DYNC2H1: variants seen among roughly 807,000 people sequenced by gnomAD.
DYNC2H1 encodes the protein cytoplasmic dynein 2 heavy chain 1.
A neutral mutation model predicts 570.0 loss-of-function variants in DYNC2H1; 410 were observed. That is an observed-to-expected ratio of 0.72 (90% CI 0.66 to 0.78). DYNC2H1 has a LOEUF of 0.78. Ranked by LOEUF, DYNC2H1 falls within the 30% of genes least tolerant of loss-of-function variation. The pLI is 0.00. For synonymous variants in DYNC2H1, 1,688 were observed against 1,677.6 expected, an observed-to-expected ratio of 1.01 and a Z score of -0.15; for missense variants, 4,865 against 5,046.4, an observed-to-expected ratio of 0.96 and a Z score of 1.09.
chr11:103,120,411 T>C, intron 6 of DYNC2H1, 36 bp from the exon 7 acceptor site: 1 of 1,534,126 alleles, frequency 6.5e-7, no homozygotes, highest in Middle Eastern at 1.8e-4. Flanking sequence ...ATGGTTGGAT[T>C]TAAATAAATT....
chr11:103,212,902 A>G (rs1863213225), intron 54 of DYNC2H1, among the ~76,000 whole-genome samples: 1 of 152,122 alleles, frequency 6.6e-6, no homozygotes, highest in African/African-American at 2.4e-5. Flanking sequence ...GGTCAATGGT[A>G]GTTGTATGTG....
At position 103,135,587 on chromosome 11, in the gene DYNC2H1, A is replaced by G; in HGVS notation, c.2298A>G (p.Glu766=). ...AGCATCAGTACCAGATGGGCTTAGA[A>G]GCACTTAATGAGAATTTGCCAGAAA... ...ALEHQYQMGL[E]ALNENLPEIN... Residue 766 remains glutamate, a synonymous_variant, in exon 16 of 89, where the codon GAA becomes GAG. Transcript: ENST00000375735. The G allele has an allele frequency of 1.2e-6, 2 of 1,613,414 alleles. No homozygotes were observed. The highest frequency in any genetic ancestry group is 1.7e-6 in the Non-Finnish European group (2 of 1,179,632).
intron 82 of DYNC2H1, among the ~76,000 whole-genome samples, chr11:103,355,862 T>C (rs539705417): frequency 1.3e-5 from 2 of 152,206 alleles, no homozygotes; most frequent in South Asian, 4.2e-4. Flanking sequence ...CACACCACCA[T>C]ACCTGACTAA....
At chr11:103,441,057 G>A (rs1944251465) in intron 85 of DYNC2H1, among the ~76,000 whole-genome samples, 1 of 152,108 alleles carries the variant, frequency 6.6e-6, no homozygotes, top group African/African-American at 2.4e-5. Flanking sequence ...GTCATCTTGA[G>A]TATCAAAATC....
chr11:103,110,307 C>T (rs1293871314), intron 1 of DYNC2H1, among the ~76,000 whole-genome samples: 1 of 151,984 alleles, frequency 6.6e-6, no homozygotes, highest in Admixed American at 6.6e-5. Context: ...CCACCGCGCC[C>T]GGCCTATATT....
chr11:103,381,869 G>C (rs1361053550), intron 83 of DYNC2H1, among the ~76,000 whole-genome samples: 1 of 152,122 alleles, frequency 6.6e-6, no homozygotes, highest in Non-Finnish European at 1.5e-5. Context: ...ACATTACTTT[G>C]TGTTAATGGT....
chr11:103,203,552 G>A lies in DYNC2H1; in HGVS notation c.8198-111G>A. Reference sequence around the variant, plus strand: ...TTGTGAGTCAAGTAGAGGTAATAAAGTTTGTATATTTTTGGAAATAAAGAT... The same window carrying A: ...TTGTGAGTCAAGTAGAGGTAATAAAATTTGTATATTTTTGGAAATAAAGAT... On this transcript the variant is annotated intron_variant, in intron 50 of 88. Transcript: ENST00000375735. The surrounding 1 kb of genome is among the most constrained non-coding windows in gnomAD (Gnocchi z 4.7). 1.5e-6 allele frequency: 1 copy of A among 667,042 alleles called. No homozygotes were observed. The highest frequency in any genetic ancestry group is 1.8e-5 in the African/African-American group (1 of 54,652). 41.3% of individuals were successfully genotyped at this position (667,042 alleles called of 1,614,324 possible). A position where few individuals can be genotyped will look rare whatever the true frequency, so the allele number is the denominator to read the frequency against.
At chr11:103,408,034 A>G (rs1386196094) in intron 84 of DYNC2H1, 1 of 152,026 alleles carries the variant, frequency 6.6e-6, no homozygotes, top group Non-Finnish European at 1.5e-5. Context: ...TGATCATAGA[A>G]TAGATGGCTA....
intron 32 of DYNC2H1, 146 bp from the exon 33 acceptor site, chr11:103,169,962 G>A: frequency 1.4e-6 from 1 of 717,428 alleles, no homozygotes; most frequent in Non-Finnish European, 2.1e-6. Flanking sequence ...TCTTTCACTA[G>A]AAAAAATTTT....
intron 85 of DYNC2H1, 24 bp from the exon 86 acceptor site, chr11:103,455,162 A>G (rs762999632): frequency 6.5e-7 from 1 of 1,549,860 alleles, no homozygotes; most frequent in Non-Finnish European, 8.9e-7. Flanking sequence ...GTGTATTTAT[A>G]TGTTCATATT....
At chr11:103,415,523 T>G (rs1399346222) in intron 84 of DYNC2H1, among the ~76,000 whole-genome samples, 1 of 152,170 alleles carries the variant, frequency 6.6e-6, no homozygotes, top group Non-Finnish European at 1.5e-5. Flanking sequence ...AGAAGACATC[T>G]ATGCAGCCAA....
Position 103,417,087 on chromosome 11 carries a change from A to T in DYNC2H1, c.12366+17215A>T, listed in dbSNP as rs182009440. 2.0e-3 allele frequency among the ~76,000 whole-genome samples: 305 copies of T among 152,264 alleles called. 3 individuals carry two copies. The highest frequency in any genetic ancestry group is 6.6e-3 in the African/African-American group (275 of 41,562). On this transcript the variant is annotated intron_variant, in intron 84 of 88. Coordinates refer to ENST00000375735, the MANE Select transcript of DYNC2H1 (RefSeq NM_001377.3). ...CAAAACCACAATGAGATACCATCTC[A>T]CACCAGTTAGAATGATGGAGTCTTT...
intron 61 of DYNC2H1, among the ~76,000 whole-genome samples, chr11:103,234,736 C>A (rs2135196074): frequency 6.6e-6 from 1 of 151,990 alleles, no homozygotes; most frequent in East Asian, 1.9e-4. Flanking sequence ...ATGACCAGAG[C>A]TACATTTCCA....
Position 103,187,495 on chromosome 11 carries a change from A to C in DYNC2H1, c.7049A>C (p.Asp2350Ala). Residue 2350 changes from aspartate (D) to alanine (A), a missense_variant, in exon 43 of 89, where the codon GAC (aspartate) becomes GCC (alanine). By Grantham distance (126) the Asp-to-Ala change is moderately radical. Coordinates refer to ENST00000375735, the MANE Select transcript of DYNC2H1 (RefSeq NM_001377.3). Reference sequence around the variant, plus strand: ...ACTGGTCGTGTATACAGACCAAAAGACTGTGAAAGACTTGTTCTGTACTTA... The same window carrying C: ...ACTGGTCGTGTATACAGACCAAAAGCCTGTGAAAGACTTGTTCTGTACTTA... ...TNTGRVYRPK[D>A]CERLVLYLKD... is the part of the protein sequence containing the mutation. 6.2e-7 allele frequency: 1 copy of C among 1,613,362 alleles called. No homozygotes were observed. The highest frequency in any genetic ancestry group is 8.5e-7 in the Non-Finnish European group (1 of 1,179,492).
At position 103,155,436 on chromosome 11, in the gene DYNC2H1, A is replaced by G; in HGVS notation, c.3679A>G (p.Lys1227Glu). Residue 1227 changes from lysine (K) to glutamate (E), a missense_variant, in exon 25 of 89, where the codon AAA (lysine) becomes GAA (glutamate). This residue lies in a region of DYNC2H1 where 1,936 missense variants were observed against 1,962.1 expected (regional missense o/e 0.99). Transcript: ENST00000375735. Reference protein sequence around the residue: ...LGLPRGTSLEKLLFGDLLRVA... With the variant: ...LGLPRGTSLEELLFGDLLRVA... ...ACTTCCTAGGGGGACTAGTCTAGAGAAACTACTGTTTGGTGATTTGCTCAG... is the reference window on the plus strand; with the variant it reads ...ACTTCCTAGGGGGACTAGTCTAGAGGAACTACTGTTTGGTGATTTGCTCAG... The G allele has an allele frequency of 2.5e-6, 4 of 1,612,580 alleles. No homozygotes were observed. The highest frequency in any genetic ancestry group is 1.7e-6 in the Non-Finnish European group (2 of 1,179,176).
rs1467709011 is a variant in DYNC2H1 at position 103,241,809 on chromosome 11, G to T, written c.9820-1884G>T. On this transcript the variant is annotated intron_variant, in intron 63 of 88. Transcript: ENST00000375735. The surrounding 1 kb of genome is among the most constrained non-coding windows in gnomAD (Gnocchi z 5.1). ...TGTAACGTGGCAGGAGGTATGATGG[G>T]AGTAGTCTACTGTGGGTGCAAGTGA... Among the ~76,000 whole-genome samples, 1 of 152,102 alleles carries T rather than the reference G, an allele frequency of 6.6e-6. No homozygotes were observed. The highest frequency in any genetic ancestry group is 1.5e-5 in the Non-Finnish European group (1 of 68,008).
intron 84 of DYNC2H1, among the ~76,000 whole-genome samples, chr11:103,418,334 T>C (rs1197253720): frequency 6.6e-6 from 1 of 152,210 alleles, no homozygotes; most frequent in Non-Finnish European, 1.5e-5. Flanking sequence ...GATTGTGGGA[T>C]ATAAGGTAAA....
intron 82 of DYNC2H1, among the ~76,000 whole-genome samples, chr11:103,345,669 G>T (rs1377564729): frequency 6.6e-6 from 1 of 152,190 alleles, no homozygotes; most frequent in Non-Finnish European, 1.5e-5. Flanking sequence ...TGAGGGAGAA[G>T]GGGAGTGGTG....
chr11:103,289,601 A>G lies in DYNC2H1; in HGVS notation c.11095+1996A>G, dbSNP rs4754898. On this transcript the variant is annotated intron_variant, in intron 75 of 88. Coordinates refer to ENST00000375735, the MANE Select transcript of DYNC2H1 (RefSeq NM_001377.3). This position sits in a 1 kb window ranked among gnomAD's most constrained non-coding sequence, Gnocchi z 4.2. The stretch of plus-strand genomic sequence containing the variant: ...CATAGTGAGACCTTGTCTTTAGTAA[A>G]TATTAAAAAATGAGCCAGGCACGGT... Among the ~76,000 whole-genome samples, 19,828 of 151,962 alleles carry G rather than the reference A, an allele frequency of 0.13. 1,534 individuals carry two copies. The highest frequency in any genetic ancestry group is 0.24 in the Admixed American group (3,643 of 15,252).
Sources: gnomAD v4.1 joint callset for allele counts (sites outside exome capture counted in the v4.1 genomes callset) on GRCh38, gnomAD v4.1.1 for gene constraint, gnomAD v4.1.1 regional missense constraint, Gnocchi (gnomAD v3.1) non-coding constraint, MANE v1.5 for transcripts, NCBI Gene and HGNC (gene_info 2026-07-23, HGNC 2026-07-21) for gene names.